Variants in HPSE2 observed in about 807,000 individuals in gnomAD.
HPSE2 encodes inactive heparanase-2.
In HPSE2, 38 loss-of-function variants were observed where a neutral mutation model predicts 60.5. That is an observed-to-expected ratio of 0.63 (90% CI 0.48 to 0.82). HPSE2 has a LOEUF of 0.82. Ranked by LOEUF, HPSE2 falls within the 40% of genes least tolerant of loss-of-function variation. The probability of loss-of-function intolerance (pLI) is 0.00; values close to 1 mark genes in which losing one functional copy is unlikely to be tolerated. For synonymous variants in HPSE2, 295 were observed against 293.2 expected, an observed-to-expected ratio of 1.01 and a Z score of -0.06; for missense variants, 713 against 740.4, an observed-to-expected ratio of 0.96 and a Z score of 0.43.
intron 1 of HPSE2, 21 bp downstream of exon 1, chr10:99,235,492 C>T: frequency 6.2e-7 from 1 of 1,613,428 alleles, no homozygotes; most frequent in Middle Eastern, 1.7e-4. Flanking sequence ...TTTAAATGAT[C>T]CATCGAAACC....
At chr10:99,136,277 C>G (rs1845647925) in intron 3 of HPSE2, among the ~76,000 whole-genome samples, 1 of 152,050 alleles carries the variant, frequency 6.6e-6, no homozygotes. Context: ...ACGTTGAGGA[C>G]CAGACAGATT....
At chr10:99,288,604 A>T in the HPSE2 span, among the ~76,000 whole-genome samples, 2 of 152,068 alleles carry the variant, frequency 1.3e-5, no homozygotes, top group African/African-American at 4.8e-5. Flanking sequence ...GAACCAGGGA[A>T]TTCAACACAG....
chr10:98,681,683 T>C (rs503998), intron 6 of HPSE2, among the ~76,000 whole-genome samples: 53,466 of 151,778 alleles, frequency 0.35, 9,591 homozygotes, highest in Admixed American at 0.41. Flanking sequence ...ATTTTCTTCA[T>C]ATTCTTAAAC....
At chr10:98,544,896 T>C (rs986221683) in intron 9 of HPSE2, among the ~76,000 whole-genome samples, 1 of 151,928 alleles carries the variant, frequency 6.6e-6, no homozygotes, top group Non-Finnish European at 1.5e-5. Flanking sequence ...ACGAAATTGA[T>C]AGACTGCTAG....
the HPSE2 span, among the ~76,000 whole-genome samples, chr10:99,244,708 T>G: frequency 1.5e-4 from 22 of 151,680 alleles, no homozygotes; most frequent in Non-Finnish European, 2.9e-4. Flanking sequence ...TTGACCTTTT[T>G]AAATACTCTA....
Position 98,490,097 on chromosome 10 carries a change from T to A in HPSE2, c.1420A>T (p.Ile474Phe), listed in dbSNP as rs1941587587. The A allele has an allele frequency of 6.2e-7, 1 of 1,614,204 alleles. No individual in the cohort carries two copies. Among genetic ancestry groups the A allele is most frequent in the Non-Finnish European group, 8.5e-7 (1 of 1,180,042 alleles). Residue 474 changes from isoleucine (I) to phenylalanine (F), a missense_variant, in exon 10 of 12, where the codon ATC becomes TTC. Physicochemically the swap from Ile to Phe is conservative, Grantham distance 21. Transcript: ENST00000370552. ...GCATAAATCCTTAGTTTGTCCCGGA[T>A]CACTCGGCCAGGCCGTGGCTTCCGC... The part of the protein sequence containing the change: ...LQRKPRPGRV[I>F]RDKLRIYAHC...
chr10:99,214,246 C>T (rs527974050), intron 2 of HPSE2, among the ~76,000 whole-genome samples: 156 of 152,284 alleles, frequency 1.0e-3, no homozygotes, highest in Admixed American at 2.8e-3. Context: ...CACCCTCATA[C>T]CCTGCTGGTT....
intron 2 of HPSE2, among the ~76,000 whole-genome samples, chr10:99,196,865 C>G (rs926829846): frequency 6.6e-6 from 1 of 152,148 alleles, no homozygotes; most frequent in Admixed American, 6.5e-5. Flanking sequence ...AATCCTACTA[C>G]TGGGTATATA....
the HPSE2 span, among the ~76,000 whole-genome samples, chr10:99,280,402 T>G: frequency 6.6e-6 from 1 of 152,210 alleles, no homozygotes; most frequent in East Asian, 1.9e-4. Context: ...ATCTGCTGTA[T>G]AGTAATGCCT....
At chr10:98,744,188 G>A (rs1949569907) in intron 3 of HPSE2, 132 bp from the exon 4 acceptor site, 3 of 856,504 alleles carry the variant, frequency 3.5e-6, no homozygotes, top group Non-Finnish European at 5.7e-6. Flanking sequence ...CTTCTAAAAG[G>A]GACTATTACC....
At chr10:98,723,323 C>T (rs547817597) in intron 4 of HPSE2, among the ~76,000 whole-genome samples, 1 of 152,122 alleles carries the variant, frequency 6.6e-6, no homozygotes, top group South Asian at 2.1e-4. Flanking sequence ...CCCACTTGAT[C>T]ATGGTGGATA....
At chr10:98,694,007 C>A (rs1948147543) in intron 5 of HPSE2, 60 bp from the exon 6 acceptor site, 2 of 1,324,664 alleles carry the variant, frequency 1.5e-6, no homozygotes, top group Admixed American at 1.7e-5. Flanking sequence ...TCCCCTAAAT[C>A]AAAAGGAAAT....
chr10:98,917,281 G>T (rs1402469248), intron 3 of HPSE2, among the ~76,000 whole-genome samples: 1 of 152,098 alleles, frequency 6.6e-6, no homozygotes, highest in East Asian at 1.9e-4. Context: ...AGCTACAAAG[G>T]TTCTAATTAT....
chr10:98,536,803 G>C (rs1423744706), intron 9 of HPSE2, among the ~76,000 whole-genome samples: 1 of 152,148 alleles, frequency 6.6e-6, no homozygotes, highest in Non-Finnish European at 1.5e-5. Flanking sequence ...ATGAATGTAA[G>C]AGAGTTTACT....
At chr10:99,162,059 A>ACC (rs1846866302) in intron 2 of HPSE2, among the ~76,000 whole-genome samples, 1 of 152,184 alleles carries the variant, frequency 6.6e-6, no homozygotes. Context: ...TTTAATAGGT[A>ACC]CAGAGTTTAG....
intron 3 of HPSE2, among the ~76,000 whole-genome samples, chr10:98,918,856 C>G (rs917132825): frequency 1.3e-5 from 2 of 151,396 alleles, no homozygotes; most frequent in Non-Finnish European, 2.9e-5. Flanking sequence ...AACAAAAGGA[C>G]AATTAATAAA....
At chr10:99,163,205 C>T (rs557920322) in intron 2 of HPSE2, among the ~76,000 whole-genome samples, 1 of 64,872 alleles carries the variant, frequency 1.5e-5, no homozygotes, top group Admixed American at 1.5e-4. Context: ...GGCAAGACTC[C>T]ATCTCAAAAA....
upstream of HPSE2, among the ~76,000 whole-genome samples, chr10:99,236,894 C>T (rs1346149527): frequency 6.6e-6 from 1 of 152,142 alleles, no homozygotes; most frequent in Non-Finnish European, 1.5e-5. Context: ...CCCTCCAGAC[C>T]CTCCTGGAGG....
intron 3 of HPSE2, among the ~76,000 whole-genome samples, chr10:99,006,615 A>T (rs1956899639): frequency 1.3e-5 from 2 of 151,460 alleles, no homozygotes; most frequent in Admixed American, 6.6e-5. Context: ...TATATCTGTG[A>T]TGTCCAGCTT....
Sources: allele counts gnomAD v4.1 joint callset (sites outside exome capture counted in the v4.1 genomes callset), GRCh38; gene constraint gnomAD v4.1.1; transcripts MANE v1.5; gene names NCBI Gene and HGNC (gene_info 2026-07-23, HGNC 2026-07-21).